The following FBLN2 variants were observed in gnomAD, a reference collection of about 807,000 sequenced individuals.
FBLN2 encodes fibulin 2.
Under a neutral mutation model 123.7 loss-of-function variants are expected in FBLN2, and 81 were observed. That is an observed-to-expected ratio of 0.65 (90% confidence interval 0.55 to 0.79). The LOEUF (loss-of-function observed/expected upper bound fraction) is 0.79, where lower values mean the gene tolerates loss of function less well. Among genes scored for constraint, FBLN2 ranks in the 30% least tolerant of loss-of-function variants. The pLI, the probability that FBLN2 is intolerant of heterozygous loss-of-function variation, is 0.00. For synonymous variants in FBLN2, 699 were observed against 701.4 expected (o/e 1.00, Z 0.05); for missense variants, 1,603 against 1,681.3 (o/e 0.95, Z 0.81).
At chr3:13,593,633 G>A (rs1200846750) in intron 2 of FBLN2, among the ~76,000 whole-genome samples, 1 of 149,794 alleles carries the variant, frequency 6.7e-6, no homozygotes, top group East Asian at 2.0e-4. Context: ...AGAATTGCTT[G>A]AACCTGAGAG....
At chr3:13,554,367 A>T (rs2125030832) in intron 1 of FBLN2, among the ~76,000 whole-genome samples, 1 of 152,114 alleles carries the variant, frequency 6.6e-6, no homozygotes, top group Middle Eastern at 3.4e-3. Flanking sequence ...TTAGCCTGGG[A>T]CCCCCATCCT....
At chr3:13,632,268 G>A (rs947693983) in intron 16 of FBLN2, among the ~76,000 whole-genome samples, 1 of 152,160 alleles carries the variant, frequency 6.6e-6, no homozygotes, top group African/African-American at 2.4e-5. Flanking sequence ...TCGCTCCCTC[G>A]GCCCCTCGGT....
intron 4 of FBLN2, among the ~76,000 whole-genome samples, chr3:13,610,318 T>G (rs1574980741): frequency 6.6e-6 from 1 of 152,024 alleles, no homozygotes; most frequent in Non-Finnish European, 1.5e-5. Context: ...TGACTGTGGG[T>G]GAGGTGGACC....
intron 2 of FBLN2, among the ~76,000 whole-genome samples, chr3:13,573,717 A>T (rs1704038590): frequency 1.3e-5 from 2 of 152,050 alleles, no homozygotes; most frequent in African/African-American, 2.4e-5. Context: ...CAGCCTGGCC[A>T]ACGTGGTGAA....
Position 13,637,979 on chromosome 3 carries a change from G to A in FBLN2, c.*60G>A. On this transcript the variant is annotated 3_prime_UTR_variant, in exon 18 of 18. Coordinates refer to ENST00000404922, the MANE Select transcript of FBLN2 (RefSeq NM_001004019.2). ...GCCCAGGGCTCACACTGCGTGGGAG[G>A]GACTGGGTCACTATTGTGGTTTTTA... 4 of 1,408,406 alleles carry A rather than the reference G, an allele frequency of 2.8e-6. No individual in the cohort carries two copies. The highest frequency in any genetic ancestry group is 3.9e-6 in the Non-Finnish European group (4 of 1,031,518). The allele number at this position is 1,408,406 out of a possible 1,614,324, so 87.2% of individuals were successfully genotyped here.
Position 13,570,444 on chromosome 3 carries a change from G to A in FBLN2, c.89G>A (p.Arg30Gln), listed in dbSNP as rs967093321. ...CCCAGCGTGGCCGCAGCTGCCCCTC[G>A]GCAGGACTGCACGGGCGTGGAGTGC... Reference protein sequence around the residue: ...LGPSVAAAAPRQDCTGVECPP... With the variant: ...LGPSVAAAAPQQDCTGVECPP... The change falls in exon 2 of 18, where the codon CGG becomes CAG. Residue 30 changes from arginine to glutamine, a missense_variant. Transcript: ENST00000404922. 2.4e-5 allele frequency: 38 copies of A among 1,573,384 alleles called. No individual in the cohort carries two copies. The highest frequency in any genetic ancestry group is 5.5e-5 in the Admixed American group (3 of 54,620).
chr3:13,579,363 G>A (rs997831171), intron 2 of FBLN2, among the ~76,000 whole-genome samples: 5 of 152,114 alleles, frequency 3.3e-5, no homozygotes, highest in African/African-American at 1.2e-4. Flanking sequence ...ACACTGCACT[G>A]GGGGAGAGTG....
At chr3:13,555,707 G>T (rs1054145805) in intron 1 of FBLN2, among the ~76,000 whole-genome samples, 21 of 152,150 alleles carry the variant, frequency 1.4e-4, no homozygotes, top group African/African-American at 4.8e-4. Flanking sequence ...ACCCGCCTTG[G>T]CCTCTCAAAG....
At position 13,630,036 on chromosome 3, in the gene FBLN2, C is replaced by T. The variant is rs1706202042; in HGVS notation, c.2968+91C>T. On this transcript the variant is annotated intron_variant, in intron 14 of 17. Transcript: ENST00000404922. ...AGGCCCAGAGCCTTCTGTGACCCTT[C>T]ACCCTTACACCTTCACCCTCACACC... 3.9e-6 allele frequency: 6 copies of T among 1,527,550 alleles called. No homozygotes were observed. In the South Asian group the frequency reaches 7.1e-5, roughly 18 times the overall value. 94.6% of individuals were successfully genotyped at this position (1,527,550 alleles called of 1,614,324 possible).
intron 16 of FBLN2, among the ~76,000 whole-genome samples, chr3:13,635,398 A>C (rs202014319): frequency 3.0e-4 from 44 of 149,120 alleles, no homozygotes; most frequent in East Asian, 6.1e-4. Context: ...ACACACACAC[A>C]CCCACACACA....
intron 10 of FBLN2, among the ~76,000 whole-genome samples, 174 bp from the exon 11 acceptor site, chr3:13,627,658 A>G (rs1473271307): frequency 2.0e-5 from 3 of 152,050 alleles, no homozygotes; most frequent in African/African-American, 7.2e-5. Flanking sequence ...TCACGTTGTT[A>G]TTACTCCTGG....
chr3:13,551,424 T>A (rs1286394353), intron 1 of FBLN2, among the ~76,000 whole-genome samples: 3 of 152,152 alleles, frequency 2.0e-5, no homozygotes, highest in African/African-American at 7.2e-5. Context: ...TCACTTTTCT[T>A]CCCAGATCCC....
At chr3:13,604,700 T>A (rs1457692246) in intron 2 of FBLN2, among the ~76,000 whole-genome samples, 1 of 152,224 alleles carries the variant, frequency 6.6e-6, no homozygotes, top group East Asian at 1.9e-4. Flanking sequence ...GTTCCCCCAT[T>A]GAGTATGATG....
chr3:13,561,854 G>C (rs1200085567), intron 1 of FBLN2, among the ~76,000 whole-genome samples: 1 of 152,208 alleles, frequency 6.6e-6, no homozygotes, highest in Non-Finnish European at 1.5e-5. Context: ...TTCTCGGCCA[G>C]ACAGACCTGT....
Position 13,549,171 on chromosome 3 carries a change from GCGGA to G in FBLN2, c.-64_-61del, listed in dbSNP as rs958035781. The G allele has an allele frequency of 5.1e-6, 5 of 982,966 alleles. No individual in the cohort carries two copies. Among genetic ancestry groups the G allele is most frequent in the Non-Finnish European group, 6.0e-6 (5 of 829,024 alleles). The allele number at this position is 982,966 out of a possible 1,614,324, so 60.9% of individuals were successfully genotyped here. A position where few individuals can be genotyped will look rare whatever the true frequency, so the allele number is the denominator to read the frequency against. On this transcript the variant is annotated 5_prime_UTR_variant, in exon 1 of 18. Transcript: ENST00000404922. ...GGGCTCTCGACGCGCCGACGGCCGG[GCGGA>G]CGGACGGACGGACGCCGAGCGCAGT...
intron 4 of FBLN2, among the ~76,000 whole-genome samples, chr3:13,612,360 G>T (rs150824870): frequency 7.0e-4 from 42 of 59,720 alleles, no homozygotes; most frequent in African/African-American, 3.9e-3. Context: ...TTTTCTTTCT[G>T]TCTGTCTGTC....
At chr3:13,629,770 A>C (rs1324972430) in intron 13 of FBLN2, 50 bp from the exon 14 acceptor site, 1 of 1,536,038 alleles carries the variant, frequency 6.5e-7, no homozygotes, top group African/African-American at 1.4e-5. Context: ...GGGTGGAGGG[A>C]GCTGGCTTTA....
At chr3:13,585,385 G>T (rs991305129) in intron 2 of FBLN2, among the ~76,000 whole-genome samples, 4 of 152,144 alleles carry the variant, frequency 2.6e-5, no homozygotes, top group East Asian at 3.9e-4. Context: ...TTAGTGGGGG[G>T]TGTGCATGGG....
intron 2 of FBLN2, among the ~76,000 whole-genome samples, chr3:13,589,212 A>T (rs1357844636): frequency 6.6e-6 from 1 of 152,216 alleles, no homozygotes; most frequent in Non-Finnish European, 1.5e-5. Context: ...TGGCCCCTAG[A>T]CATCGCAACA....
Sources: gnomAD v4.1 joint callset for allele counts (sites outside exome capture counted in the v4.1 genomes callset) on GRCh38, gnomAD v4.1.1 for gene constraint, MANE v1.5 for transcripts, NCBI Gene and HGNC (gene_info 2026-07-23, HGNC 2026-07-21) for gene names.